Variants in GMDS observed in about 807,000 individuals in gnomAD.
The protein encoded by GMDS is GDP-mannose 4,6 dehydratase.
In GMDS, 20 loss-of-function variants were observed where a neutral mutation model predicts 49.9. The ratio of observed to expected loss-of-function variants is 0.40; its 90% CI spans 0.28 to 0.58. The LOEUF (loss-of-function observed/expected upper bound fraction) is 0.58, where lower values mean the gene tolerates loss of function less well. GMDS is among the 20% of genes least tolerant of loss of function. The pLI, the probability that GMDS is intolerant of heterozygous loss-of-function variation, is 0.42. For missense variants in GMDS, 362 were observed against 481.4 expected (o/e 0.75, Z 2.32); for synonymous variants, 177 against 178.6 (o/e 0.99, Z 0.07).
intron 9 of GMDS, among the ~76,000 whole-genome samples, chr6:1,700,500 CT>C (rs1205926464): frequency 6.6e-6 from 1 of 152,152 alleles, no homozygotes; most frequent in Non-Finnish European, 1.5e-5. Flanking sequence ...AGTTTCTCCC[CT>C]GGGAGAAAAG....
intron 9 of GMDS, among the ~76,000 whole-genome samples, chr6:1,686,421 G>A (rs972720981): frequency 6.6e-6 from 1 of 152,180 alleles, no homozygotes; most frequent in Non-Finnish European, 1.5e-5. Flanking sequence ...AGAGGGTGTG[G>A]GGGGAAGCTG....
At chr6:1,979,231 G>A (rs377466908) in intron 4 of GMDS, among the ~76,000 whole-genome samples, 3 of 152,228 alleles carry the variant, frequency 2.0e-5, no homozygotes, top group African/African-American at 7.2e-5. Context: ...ACTTCAGAAT[G>A]TGGGTAATAA....
chr6:1,858,749 T>C (rs1239946790), intron 7 of GMDS, among the ~76,000 whole-genome samples: 1 of 152,192 alleles, frequency 6.6e-6, no homozygotes, highest in Non-Finnish European at 1.5e-5. Flanking sequence ...AACATTTCTA[T>C]AGACCTTCCT....
chr6:1,654,554 G>A (rs562344468), intron 9 of GMDS, among the ~76,000 whole-genome samples: 1 of 152,188 alleles, frequency 6.6e-6, no homozygotes, highest in Non-Finnish European at 1.5e-5. Flanking sequence ...GAAGTTCCTA[G>A]AGTAGTCAAA....
At chr6:2,098,033 A>G (rs1773708308) in intron 4 of GMDS, among the ~76,000 whole-genome samples, 1 of 150,234 alleles carries the variant, frequency 6.7e-6, no homozygotes, top group Non-Finnish European at 1.5e-5. Flanking sequence ...CTAAACTGGG[A>G]CAATAAGAAA....
At chr6:2,123,113 T>TG (rs1205642310) in intron 2 of GMDS, among the ~76,000 whole-genome samples, 1 of 152,252 alleles carries the variant, frequency 6.6e-6, no homozygotes, top group Admixed American at 6.5e-5. Flanking sequence ...AATGGAGATC[T>TG]GCTTCTCTGC....
chr6:2,236,619 C>T (rs765940207), intron 1 of GMDS, among the ~76,000 whole-genome samples: 28 of 152,150 alleles, frequency 1.8e-4, no homozygotes, highest in Admixed American at 4.6e-4. Context: ...TCCAATTCAT[C>T]ATTTTTAAAG....
At chr6:2,243,181 A>G (rs1489295017) in intron 1 of GMDS, among the ~76,000 whole-genome samples, 3 of 152,206 alleles carry the variant, frequency 2.0e-5, no homozygotes, top group African/African-American at 7.2e-5. Flanking sequence ...GTTGGAAATG[A>G]AATGAGGAAC....
In GMDS at chr6:1,761,768, C is replaced by T. The variant is rs140849164; in HGVS notation, c.772-19182G>A. ...AGCCAGAGGCAAAATAAAACAGAGA[C>T]GCTCCAGTTGGGAAATCTCGCTCAC... On this transcript the variant is annotated intron_variant, in intron 7 of 10. Coordinates refer to ENST00000380815, the MANE Select transcript of GMDS (RefSeq NM_001500.4). Among the ~76,000 whole-genome samples, 416 of 152,174 alleles carry T rather than the reference C, an allele frequency of 2.7e-3. 1 individual carries two copies. Among genetic ancestry groups the T allele is most frequent in the Non-Finnish European group, 4.5e-3 (304 of 67,996 alleles).
intron 1 of GMDS, among the ~76,000 whole-genome samples, chr6:2,176,442 C>A (rs770733621): frequency 1.6e-4 from 24 of 152,052 alleles, no homozygotes; most frequent in Non-Finnish European, 2.9e-4. Flanking sequence ...TTCATGAAGT[C>A]GAGCAAAGAT....
chr6:1,998,288 A>C (rs1173011431), intron 4 of GMDS, among the ~76,000 whole-genome samples: 2 of 152,224 alleles, frequency 1.3e-5, no homozygotes, highest in African/African-American at 4.8e-5. Context: ...GAAATACCAG[A>C]TAAGAATATT....
rs1033850747 is a variant in GMDS at position 2,191,207 on chromosome 6, G to A, written c.102+54114C>T. ...TCCGCCCCGCATGGGGTGACCACCG[G>A]GCCTGACACTCCCGACCCGCTATCC... On this transcript the variant is annotated intron_variant, in intron 1 of 10. Coordinates refer to ENST00000380815, the MANE Select transcript of GMDS (RefSeq NM_001500.4). The surrounding 1 kb of genome is among the most constrained non-coding windows in gnomAD (Gnocchi z 4.6). 6.6e-6 allele frequency among the ~76,000 whole-genome samples: 1 copy of A among 152,082 alleles called. No homozygotes were observed. The highest frequency in any genetic ancestry group is 1.5e-5 in the Non-Finnish European group (1 of 67,978).
At chr6:2,015,024 G>T (rs1156702573) in intron 4 of GMDS, among the ~76,000 whole-genome samples, 1 of 152,082 alleles carries the variant, frequency 6.6e-6, no homozygotes, top group African/African-American at 2.4e-5. Context: ...TAATCCTTAA[G>T]AAGTAAGCAC....
chr6:2,102,839 T>TTTAA (rs145566942), intron 4 of GMDS, among the ~76,000 whole-genome samples: 19,971 of 152,028 alleles, frequency 0.13, 3,506 homozygotes, highest in African/African-American at 0.41. Flanking sequence ...TAAAATTCCA[T>TTTAA]TTAATTAAAT....
At chr6:1,678,786 A>G (rs535339761) in intron 9 of GMDS, among the ~76,000 whole-genome samples, 2 of 152,310 alleles carry the variant, frequency 1.3e-5, no homozygotes, top group East Asian at 3.9e-4. Flanking sequence ...GTGCCAAAAT[A>G]TATTTTCAGG....
At position 2,117,475 on chromosome 6, in the gene GMDS, C is replaced by T; in HGVS notation, c.229G>A (p.Glu77Lys). ...HLYKNPQAHI[E>K]GNMKLHYGDL... ...GAAAAAGAAAATGACTTACTTCCTTCAATGTGAGCCTGGGGATTCTTATAC... is the reference window on the plus strand; with the variant it reads ...GAAAAAGAAAATGACTTACTTCCTTTAATGTGAGCCTGGGGATTCTTATAC... The change falls in exon 3 of 11, where the codon GAA becomes AAA. Residue 77 changes from glutamate (E) to lysine (K), a missense_variant. Physicochemically the swap from Glu to Lys is moderately conservative, Grantham distance 56 (BLOSUM62 1). Transcript: ENST00000380815. The T allele has an allele frequency of 6.4e-7, 1 of 1,559,464 alleles. No individual in the cohort carries two copies. The highest frequency in any genetic ancestry group is 8.8e-7 in the Non-Finnish European group (1 of 1,130,174).
At chr6:2,100,173 G>A (rs1225146142) in intron 4 of GMDS, among the ~76,000 whole-genome samples, 1 of 151,984 alleles carries the variant, frequency 6.6e-6, no homozygotes, top group Non-Finnish European at 1.5e-5. Context: ...AGTACCCTGT[G>A]CTAGTTAGAA....
At chr6:2,043,678 G>C (rs1178090164) in intron 4 of GMDS, among the ~76,000 whole-genome samples, 2 of 152,246 alleles carry the variant, frequency 1.3e-5, no homozygotes, top group Non-Finnish European at 2.9e-5. Context: ...CTGTGAGACA[G>C]TGCTAGCTTG....
intron 7 of GMDS, among the ~76,000 whole-genome samples, chr6:1,879,778 A>G (rs1172834292): frequency 6.6e-6 from 1 of 152,196 alleles, no homozygotes; most frequent in Non-Finnish European, 1.5e-5. Flanking sequence ...GCATCTCTAA[A>G]AACTTTCCTC....
Sources: gnomAD v4.1 joint callset for allele counts (sites outside exome capture counted in the v4.1 genomes callset) on GRCh38, gnomAD v4.1.1 for gene constraint, Gnocchi (gnomAD v3.1) non-coding constraint, MANE v1.5 for transcripts, NCBI Gene and HGNC (gene_info 2026-07-23, HGNC 2026-07-21) for gene names.